The following CFAP299 variants were observed in gnomAD, a reference collection of about 807,000 sequenced individuals.
CFAP299 encodes cilia and flagella associated protein 299.
Under a neutral mutation model 27.0 loss-of-function variants are expected in CFAP299, and 21 were observed. The ratio of observed to expected loss-of-function variants is 0.78; its 90% CI spans 0.55 to 1.12. The LOEUF (loss-of-function observed/expected upper bound fraction) is 1.12, where lower values mean the gene tolerates loss of function less well. Among genes scored for constraint, CFAP299 ranks in the 50% most tolerant of loss-of-function variants. CFAP299 has a pLI of 0.00. For synonymous variants in CFAP299, 104 were observed against 98.1 expected (o/e 1.06, Z -0.36); for missense variants, 310 against 276.6 (o/e 1.12, Z -0.86).
chr4:80,715,435 C>CA (rs1232704248), intron 3 of CFAP299, among the ~76,000 whole-genome samples: 1 of 151,972 alleles, frequency 6.6e-6, no homozygotes, highest in African/African-American at 2.4e-5. Flanking sequence ...ATACTTTCCA[C>CA]AAAAAGGTTT....
At chr4:80,516,447 C>A (rs532806249) in intron 2 of CFAP299, among the ~76,000 whole-genome samples, 1 of 152,210 alleles carries the variant, frequency 6.6e-6, no homozygotes, top group African/African-American at 2.4e-5. Context: ...GTGACAGCCT[C>A]AGGAAGTTTA....
intron 4 of CFAP299, among the ~76,000 whole-genome samples, chr4:80,935,232 T>C (rs1012036827): frequency 6.6e-6 from 1 of 152,032 alleles, no homozygotes; most frequent in Non-Finnish European, 1.5e-5. Flanking sequence ...TCAGAAACTG[T>C]ACTTGGTATA....
intron 3 of CFAP299, among the ~76,000 whole-genome samples, chr4:80,685,013 C>T (rs554729677): frequency 4.7e-4 from 71 of 152,230 alleles, no homozygotes; most frequent in Non-Finnish European, 7.8e-4. Context: ...TCTGTAATTA[C>T]ATATAATTTA....
intron 4 of CFAP299, among the ~76,000 whole-genome samples, chr4:80,917,118 A>T (rs1735806042): frequency 6.6e-6 from 1 of 152,164 alleles, no homozygotes; most frequent in Non-Finnish European, 1.5e-5. Context: ...AAAATTTCTA[A>T]CAGGGTGGTA....
chr4:80,514,075 A>G (rs1387799418), intron 2 of CFAP299, among the ~76,000 whole-genome samples: 2 of 152,070 alleles, frequency 1.3e-5, no homozygotes, highest in South Asian at 2.1e-4. Flanking sequence ...GAGTCCCTCA[A>G]AAATGTGTGT....
At chr4:80,923,552 A>G (rs1483067719) in intron 4 of CFAP299, among the ~76,000 whole-genome samples, 1 of 152,054 alleles carries the variant, frequency 6.6e-6, no homozygotes, top group East Asian at 1.9e-4. Context: ...CCTACTGTAT[A>G]TCCATAACTC....
At chr4:80,693,011 G>C (rs1252869183) in intron 3 of CFAP299, among the ~76,000 whole-genome samples, 51 of 152,350 alleles carry the variant, frequency 3.3e-4, no homozygotes, top group Admixed American at 8.5e-4. Context: ...CATCTCACAC[G>C]AGTTAGAATG....
intron 3 of CFAP299, among the ~76,000 whole-genome samples, chr4:80,856,227 G>C (rs1451942821): frequency 6.7e-6 from 1 of 149,210 alleles, no homozygotes; most frequent in Non-Finnish European, 1.5e-5. Context: ...GTCTGTTCAT[G>C]TCTTTCGCCC....
At chr4:80,601,287 T>C (rs1319236710) in intron 3 of CFAP299, among the ~76,000 whole-genome samples, 1 of 152,186 alleles carries the variant, frequency 6.6e-6, no homozygotes, top group Non-Finnish European at 1.5e-5. Context: ...TCCTATAACT[T>C]AGCTTTGCCT....
chr4:80,828,969 A>T (rs72881523), intron 3 of CFAP299, among the ~76,000 whole-genome samples: 7,546 of 152,132 alleles, frequency 0.05, 380 homozygotes, highest in African/African-American at 0.14. Flanking sequence ...AAGAGCTAAA[A>T]TTATAAAATT....
At position 80,738,451 on chromosome 4, in the gene CFAP299, T is replaced by G. The variant is rs1024472035; in HGVS notation, c.334-131542T>G. Among the ~76,000 whole-genome samples the G allele has an allele frequency of 9.2e-5, 14 of 152,228 alleles. No homozygotes were observed. In the South Asian group the frequency reaches 1.2e-3, roughly 14 times the overall value. The stretch of plus-strand genomic sequence containing the variant: ...ATGAATTTAAGATCACTATATCCTC[T>G]GGATGAACTGAACCCTTTAACATTG... On this transcript the variant is annotated intron_variant, in intron 3 of 5. Coordinates refer to ENST00000358105, the MANE Select transcript of CFAP299 (RefSeq NM_152770.3).
At chr4:80,703,929 T>TTTA (rs1374083608) in intron 3 of CFAP299, among the ~76,000 whole-genome samples, 2 of 150,734 alleles carry the variant, frequency 1.3e-5, no homozygotes, top group African/African-American at 4.9e-5. Flanking sequence ...AGATTTTCCT[T>TTTA]TTAAATGTTT....
chr4:80,580,282 T>C (rs1364218449), intron 2 of CFAP299, among the ~76,000 whole-genome samples: 1 of 152,012 alleles, frequency 6.6e-6, no homozygotes, highest in Non-Finnish European at 1.5e-5. Context: ...ATTCATTAGC[T>C]GAGGTTTGGG....
chr4:80,709,172 A>G (rs924505494), intron 3 of CFAP299, among the ~76,000 whole-genome samples: 3 of 152,228 alleles, frequency 2.0e-5, no homozygotes, highest in Admixed American at 6.5e-5. Context: ...GTCAGTAACT[A>G]GAGAAACTCA....
At chr4:80,387,771 T>C (rs1405911560) in intron 2 of CFAP299, 10 of 1,588,378 alleles carry the variant, frequency 6.3e-6, no homozygotes, top group Non-Finnish European at 8.6e-6. Context: ...TTTTGGTGAA[T>C]GACTTGTCAC....
At chr4:80,887,512 T>C (rs1734031097) in intron 4 of CFAP299, among the ~76,000 whole-genome samples, 2 of 151,844 alleles carry the variant, frequency 1.3e-5, no homozygotes, top group Admixed American at 6.6e-5. Flanking sequence ...GAGAAATAAA[T>C]AACTTCCCAG....
At chr4:80,877,163 T>C (rs1232069575) in intron 4 of CFAP299, among the ~76,000 whole-genome samples, 5 of 152,240 alleles carry the variant, frequency 3.3e-5, no homozygotes, top group African/African-American at 1.2e-4. Flanking sequence ...AGGATACTTT[T>C]AGAATCTACT....
intron 3 of CFAP299, among the ~76,000 whole-genome samples, chr4:80,658,006 G>A (rs1055443452): frequency 1.3e-5 from 2 of 152,098 alleles, no homozygotes; most frequent in Non-Finnish European, 2.9e-5. Context: ...GTGAATGGGA[G>A]TTCACTCATG....
intron 1 of CFAP299, among the ~76,000 whole-genome samples, chr4:80,359,938 C>A (rs1723459382): frequency 6.6e-6 from 1 of 152,200 alleles, no homozygotes; most frequent in African/African-American, 2.4e-5. Context: ...CTGATTCTTT[C>A]ACACCCTTGT....
Sources: gnomAD v4.1 joint callset for allele counts (sites outside exome capture counted in the v4.1 genomes callset) on GRCh38, gnomAD v4.1.1 for gene constraint, MANE v1.5 for transcripts, NCBI Gene and HGNC (gene_info 2026-07-23, HGNC 2026-07-21) for gene names.